Variants in AEBP2 observed in about 807,000 individuals in gnomAD.
AEBP2 encodes AE binding protein 2, also known as zinc finger protein AEBP2.
Under a neutral mutation model 50.8 loss-of-function variants are expected in AEBP2, and 10 were observed. The observed-to-expected ratio is 0.20, with a 90% CI of 0.12 to 0.33. The LOEUF (loss-of-function observed/expected upper bound fraction) is 0.33, where lower values mean the gene tolerates loss of function less well. Among genes scored for constraint, AEBP2 ranks in the 10% least tolerant of loss-of-function variants. AEBP2 has a pLI of 1.00. For missense variants in AEBP2, 570 were observed against 688.0 expected (o/e 0.83, Z 1.92); for synonymous variants, 296 against 261.3 (o/e 1.13, Z -1.28).
rs1189183146 is a variant in AEBP2, at chr12:19,439,909, C to T, written c.210C>T (p.Gly70=). 9 of 1,485,852 alleles carry T rather than the reference C, an allele frequency of 6.1e-6. No individual in the cohort carries two copies. The highest frequency in any genetic ancestry group is 2.8e-5 in the East Asian group (1 of 36,060). The allele number at this position is 1,485,852 out of a possible 1,614,324, so 92.0% of individuals were successfully genotyped here. A position where few individuals can be genotyped will look rare whatever the true frequency, so the allele number is the denominator to read the frequency against. The change falls in exon 1 of 8, where the codon GGC becomes GGT. Residue 70 remains glycine (G), a synonymous_variant. Coordinates refer to ENST00000266508, the MANE Select transcript of AEBP2 (RefSeq NM_153207.5). ...GCAGCGGTGGGGGCGGCGGAGGCGG[C>T]GGCGGAGGAGTGGGGGGCGGCGAGG... ...NGGSGGGGGG[G]GGGVGGGEAE... is the part of the protein sequence containing the mutation.
intron 1 of AEBP2, among the ~76,000 whole-genome samples, chr12:19,454,064 T>C (rs1418435116): frequency 1.3e-5 from 2 of 152,048 alleles, no homozygotes; most frequent in Non-Finnish European, 2.9e-5. Flanking sequence ...AGTTTGTTCT[T>C]TTTTAAAAAT....
chr12:19,516,396 A>G (rs7971147), intron 7 of AEBP2, among the ~76,000 whole-genome samples: 63,093 of 151,578 alleles, frequency 0.42, 14,384 homozygotes, highest in Non-Finnish European at 0.54. Flanking sequence ...TCTCTTAGAG[A>G]GTTGTCAAAG....
At chr12:19,467,012 G>A (rs1262394123) in intron 2 of AEBP2, among the ~76,000 whole-genome samples, 2 of 152,056 alleles carry the variant, frequency 1.3e-5, no homozygotes, top group African/African-American at 4.8e-5. Flanking sequence ...GGACTTCTTT[G>A]GAGGCTGAAG....
chr12:19,500,035 CT>C, intron 4 of AEBP2, 61 bp from the exon 5 acceptor site: 13 of 1,415,802 alleles, frequency 9.2e-6, no homozygotes, highest in Non-Finnish European at 1.3e-5. Context: ...TTGTTTCCAT[CT>C]TTATTACTTA....
At chr12:19,439,024 G>A (rs1947891974), upstream of AEBP2, among the ~76,000 whole-genome samples, 1 of 152,178 alleles carries the variant, frequency 6.6e-6, no homozygotes, top group Non-Finnish European at 1.5e-5. Flanking sequence ...CAAGATGTTT[G>A]CTCTGGGTTC....
At chr12:19,484,484 C>G (rs1948778005) in intron 3 of AEBP2, among the ~76,000 whole-genome samples, 1 of 151,890 alleles carries the variant, frequency 6.6e-6, no homozygotes, top group South Asian at 2.1e-4. Flanking sequence ...AAGTGATTCT[C>G]CTGCCTCAGC....
At chr12:19,407,774 C>A (rs1036002565) in intron 1 of AEBP2, among the ~76,000 whole-genome samples, 2 of 150,640 alleles carry the variant, frequency 1.3e-5, no homozygotes, top group East Asian at 4.1e-4. Flanking sequence ...AATGGCTGGA[C>A]GTGGTGGCTT....
intron 1 of AEBP2, among the ~76,000 whole-genome samples, chr12:19,448,950 G>A (rs1312368920): frequency 1.3e-5 from 2 of 152,120 alleles, no homozygotes; most frequent in Non-Finnish European, 2.9e-5. Context: ...AAAGTGCAGG[G>A]ATTACAGGTG....
At chr12:19,438,821 A>T (rs537265513), upstream of AEBP2, among the ~76,000 whole-genome samples, 1 of 152,238 alleles carries the variant, frequency 6.6e-6, no homozygotes, top group Non-Finnish European at 1.5e-5. Context: ...TTTTAAAAAA[A>T]TGGATATTAG....
chr12:19,490,270 A>C (rs11044603), intron 3 of AEBP2, among the ~76,000 whole-genome samples: 4,054 of 152,266 alleles, frequency 0.027, 56 homozygotes, highest in East Asian at 0.045. Context: ...AGACTAGCCA[A>C]GTTTCAAATG....
rs546336701 is a variant in AEBP2 at position 19,453,093 on chromosome 12, C to T, written c.672-9417C>T. ...ACGCCATTCTCCTGCCTCAGCCTCCCGAGTAGCTGGGACCACGGGTACCCG... is the reference window on the plus strand; with the variant it reads ...ACGCCATTCTCCTGCCTCAGCCTCCTGAGTAGCTGGGACCACGGGTACCCG... On this transcript the variant is annotated intron_variant, in intron 1 of 7. Transcript: ENST00000266508. Among the ~76,000 whole-genome samples, 8 of 151,278 alleles carry T rather than the reference C, an allele frequency of 5.3e-5. 1 individual carries two copies. Among genetic ancestry groups the T allele is most frequent in the East Asian group, 2.0e-4 (1 of 5,060 alleles).
In AEBP2 at chr12:19,520,366, C is replaced by T. The variant is rs1949380046; in HGVS notation, c.*2249C>T. On this transcript the variant is annotated 3_prime_UTR_variant, in exon 8 of 8. Coordinates refer to ENST00000266508, the MANE Select transcript of AEBP2 (RefSeq NM_153207.5). The stretch of plus-strand genomic sequence containing the variant: ...AGATGTCAAAACCAGATTTCGTGAT[C>T]CTTGATTAACTTCTGAGTACTCAAT... 1 of 152,120 alleles carries T rather than the reference C, an allele frequency of 6.6e-6. No homozygotes were observed. The highest frequency in any genetic ancestry group is 6.5e-5 in the Admixed American group (1 of 15,284). The allele number at this position is 152,120 out of a possible 1,614,324, so 9.4% of individuals were successfully genotyped here.
chr12:19,461,391 A>C (rs1372150422), intron 1 of AEBP2, among the ~76,000 whole-genome samples: 3 of 152,232 alleles, frequency 2.0e-5, no homozygotes, highest in Non-Finnish European at 4.4e-5. Context: ...TTTGACCACT[A>C]GTATATACTT....
intron 3 of AEBP2, among the ~76,000 whole-genome samples, chr12:19,491,196 A>T (rs1948891316): frequency 6.6e-6 from 1 of 152,152 alleles, no homozygotes. Flanking sequence ...TACTCAAAAT[A>T]TGTGTGGTAA....
chr12:19,498,566 A>G (rs1815291536), intron 4 of AEBP2, among the ~76,000 whole-genome samples: 1 of 152,182 alleles, frequency 6.6e-6, no homozygotes, highest in African/African-American at 2.4e-5. Context: ...GCATATATGT[A>G]ATTCAGAATA....
At chr12:19,429,427 G>T (rs1373071099) in intron 1 of AEBP2, among the ~76,000 whole-genome samples, 4 of 152,056 alleles carry the variant, frequency 2.6e-5, no homozygotes, top group Non-Finnish European at 5.9e-5. Flanking sequence ...GAATAGTGCC[G>T]CAATAAACAC....
chr12:19,423,925 C>T (rs990088941), intron 1 of AEBP2, among the ~76,000 whole-genome samples: 1 of 152,168 alleles, frequency 6.6e-6, no homozygotes, highest in Admixed American at 6.5e-5. Context: ...GACGGAAACA[C>T]ATAAAATTTT....
intron 3 of AEBP2, among the ~76,000 whole-genome samples, chr12:19,482,256 G>A (rs1565724737): frequency 6.6e-6 from 1 of 152,132 alleles, no homozygotes; most frequent in Non-Finnish European, 1.5e-5. Flanking sequence ...CCTGTGATGT[G>A]ATTCATCTTC....
Position 19,462,656 on chromosome 12 carries a change from A to C in AEBP2, c.818A>C (p.Asn273Thr), listed in dbSNP as rs1660322808. ...TGGGACCAGTGCCAGGCTTGCTTCA[A>C]CTCTAGCCCAGATCTGGCAGATCAC... ...CCWDQCQACF[N>T]SSPDLADHIR... The change falls in exon 2 of 8, where the codon AAC becomes ACC. Residue 273 changes from asparagine (N) to threonine (T), a missense_variant. This residue lies in a region of AEBP2 where 184 missense variants were observed against 351.2 expected (regional missense o/e 0.52). Transcript: ENST00000266508. The C allele has an allele frequency of 6.2e-7, 1 of 1,613,930 alleles. No individual in the cohort carries two copies. Among genetic ancestry groups the C allele is most frequent in the Non-Finnish European group, 8.5e-7 (1 of 1,179,870 alleles).
Sources: allele counts gnomAD v4.1 joint callset (sites outside exome capture counted in the v4.1 genomes callset), GRCh38; gene constraint gnomAD v4.1.1; regional missense constraint gnomAD v4.1.1; transcripts MANE v1.5; gene names NCBI Gene and HGNC (gene_info 2026-07-23, HGNC 2026-07-21).